The following MAGI1 variants were observed in gnomAD, a reference collection of about 807,000 sequenced individuals.
MAGI1 encodes membrane-associated guanylate kinase, WW and PDZ domain-containing protein 1.
A neutral mutation model predicts 139.9 loss-of-function variants in MAGI1; 58 were observed. The observed-to-expected ratio is 0.41, with a 90% CI of 0.34 to 0.52. The LOEUF is 0.52. MAGI1 is among the 20% of genes least tolerant of loss of function. The pLI is 0.12. For synonymous variants in MAGI1, 812 were observed against 737.9 expected (o/e 1.10, Z -1.63); for missense variants, 1,874 against 1,901.6 (o/e 0.99, Z 0.27).
chr3:65,752,657 T>C (rs919496683), intron 1 of MAGI1, among the ~76,000 whole-genome samples: 1 of 152,190 alleles, frequency 6.6e-6, no homozygotes, highest in Middle Eastern at 3.2e-3. Flanking sequence ...ACTCTCTACT[T>C]GATCAAACTT....
rs1044912154 is a variant in MAGI1 at position 65,590,608 on chromosome 3, T to TC, written c.430+31363dup. Among the ~76,000 whole-genome samples, 106 of 152,142 alleles carry TC rather than the reference T, an allele frequency of 7.0e-4. 1 individual carries two copies. Among genetic ancestry groups the TC allele is most frequent in the Admixed American group, 1.2e-3 (18 of 15,266 alleles). ...GTACTTTAAAACTGCTACTTAGCTG[T>TC]CCCCCCCATTCGTCTTTAATTAGCT... On this transcript the variant is annotated intron_variant, in intron 2 of 22. Coordinates refer to ENST00000402939, the MANE Select transcript of MAGI1 (RefSeq NM_001033057.2).
At chr3:65,598,423 C>T (rs2082331326) in intron 2 of MAGI1, among the ~76,000 whole-genome samples, 1 of 152,204 alleles carries the variant, frequency 6.6e-6, no homozygotes, top group Non-Finnish European at 1.5e-5. Context: ...GTTAGGGATA[C>T]AACCCTGACT....
intron 1 of MAGI1, among the ~76,000 whole-genome samples, chr3:66,037,056 C>T (rs1383274483): frequency 3.3e-5 from 5 of 152,192 alleles, no homozygotes; most frequent in Non-Finnish European, 7.3e-5. Context: ...CCCCCCACTC[C>T]TTCCTCCTCC....
chr3:65,396,858 A>G (rs1944430445), intron 13 of MAGI1, among the ~76,000 whole-genome samples: 1 of 152,186 alleles, frequency 6.6e-6, no homozygotes, highest in South Asian at 2.1e-4. Flanking sequence ...TGTTTCTTTT[A>G]TCATTTATGG....
At chr3:65,573,577 G>A (rs2081052418) in intron 2 of MAGI1, among the ~76,000 whole-genome samples, 3 of 151,646 alleles carry the variant, frequency 2.0e-5, no homozygotes, top group African/African-American at 7.3e-5. Context: ...TCTATAAATG[G>A]CAAAGAACTT....
At chr3:65,359,179 GA>G in intron 22 of MAGI1, 3 of 1,610,604 alleles carry the variant, frequency 1.9e-6, no homozygotes, top group Non-Finnish European at 2.5e-6. Flanking sequence ...CCAGCACCAA[GA>G]ACAGTCAGAG....
chr3:65,838,797 G>A (rs1415305018), intron 1 of MAGI1, among the ~76,000 whole-genome samples: 1 of 152,108 alleles, frequency 6.6e-6, no homozygotes, highest in Non-Finnish European at 1.5e-5. Flanking sequence ...TTAAGAAATG[G>A]ACATATCATT....
intron 1 of MAGI1, among the ~76,000 whole-genome samples, chr3:65,699,244 T>C (rs1205209630): frequency 9.4e-6 from 1 of 106,390 alleles, no homozygotes; most frequent in Non-Finnish European, 1.9e-5. Context: ...CTGGAGAGGA[T>C]GTGGAGAAAT....
intron 1 of MAGI1, among the ~76,000 whole-genome samples, chr3:65,860,275 G>C (rs1000440757): frequency 6.6e-6 from 1 of 152,140 alleles, no homozygotes; most frequent in Admixed American, 6.5e-5. Context: ...CCCAGAGGGA[G>C]CCCTTATTCT....
chr3:65,497,567 T>A (rs1174213077), intron 2 of MAGI1, among the ~76,000 whole-genome samples: 1 of 148,966 alleles, frequency 6.7e-6, no homozygotes, highest in Non-Finnish European at 1.5e-5. Context: ...TCCATTAACT[T>A]AATCCATCTT....
rs1334074962 is a variant in MAGI1 at position 65,360,349 on chromosome 3, TTC to T, written c.3634+848_3634+849del. On this transcript the variant is annotated intron_variant, in intron 22 of 22. Coordinates refer to ENST00000402939, the MANE Select transcript of MAGI1 (RefSeq NM_001033057.2). ...AGCCCTACATCTAGGGCATAGCTTC[TTC>T]TTTTTTTTTTTTTTTTTAATTTTAA... 8.5e-5 allele frequency: 83 copies of T among 976,996 alleles called. No individual in the cohort carries two copies. The African/African-American group carries it at 8.5e-4, about 10-fold the overall frequency. The allele number at this position is 976,996 out of a possible 1,614,324, so 60.5% of individuals were successfully genotyped here. A position where few individuals can be genotyped will look rare whatever the true frequency, so the allele number is the denominator to read the frequency against.
At chr3:65,587,522 C>T (rs1467853917) in intron 2 of MAGI1, among the ~76,000 whole-genome samples, 7 of 127,000 alleles carry the variant, frequency 5.5e-5, no homozygotes, top group African/African-American at 9.3e-5. Flanking sequence ...CTCGCTCTGT[C>T]GCCCAGGCTG....
chr3:65,766,906 A>G (rs1418213663), intron 1 of MAGI1, among the ~76,000 whole-genome samples: 1 of 152,094 alleles, frequency 6.6e-6, no homozygotes, highest in Non-Finnish European at 1.5e-5. Flanking sequence ...AATAATAACA[A>G]CAGAATAAGA....
Position 65,493,597 on chromosome 3 carries a change from A to G in MAGI1, c.465T>C (p.Pro155=). The change falls in exon 3 of 23, where the codon CCT becomes CCC. Residue 155 remains proline (P), a synonymous_variant. Transcript: ENST00000402939. ...TTRSPREGEV[P]GVDYNFLTVK... is the part of the protein sequence containing the mutation. The stretch of plus-strand genomic sequence containing the variant: ...CAGTCAGAAAGTTATAGTCCACGCC[A>G]GGCACTTCTCCTTCTCTGGGAGATC... 1 of 1,614,200 alleles carries G rather than the reference A, an allele frequency of 6.2e-7. No individual in the cohort carries two copies. Among genetic ancestry groups the G allele is most frequent in the Non-Finnish European group, 8.5e-7 (1 of 1,180,036 alleles).
intron 14 of MAGI1, among the ~76,000 whole-genome samples, chr3:65,384,963 C>T (rs974811973): frequency 6.6e-6 from 1 of 152,114 alleles, no homozygotes; most frequent in African/African-American, 2.4e-5. Flanking sequence ...TTACCAAAAT[C>T]AGCCAGGCCT....
At chr3:65,783,803 CAA>C (rs71102879) in intron 1 of MAGI1, among the ~76,000 whole-genome samples, 27,982 of 129,674 alleles carry the variant, frequency 0.22, 2,975 homozygotes, top group South Asian at 0.43. Flanking sequence ...CAGCCTGTAC[CAA>C]AAAAAAAAAA....
At chr3:65,389,737 G>A (rs947951450) in intron 14 of MAGI1, among the ~76,000 whole-genome samples, 3 of 152,192 alleles carry the variant, frequency 2.0e-5, no homozygotes, top group Non-Finnish European at 4.4e-5. Flanking sequence ...CTTTAGGGGT[G>A]TCTTTCTAGT....
intron 1 of MAGI1, among the ~76,000 whole-genome samples, chr3:65,929,585 G>A (rs376668063): frequency 3.6e-4 from 55 of 152,026 alleles, no homozygotes; most frequent in African/African-American, 7.2e-4. Context: ...CACCCACCTC[G>A]GCCTCCCAAA....
intron 2 of MAGI1, among the ~76,000 whole-genome samples, chr3:65,511,460 A>G (rs2077587563): frequency 1.0e-5 from 1 of 95,858 alleles, no homozygotes; most frequent in Admixed American, 1.2e-4. Context: ...ATGGAGGAAG[A>G]TCTACCAAGC....
Sources: allele counts gnomAD v4.1 joint callset (sites outside exome capture counted in the v4.1 genomes callset), GRCh38; gene constraint gnomAD v4.1.1; transcripts MANE v1.5; gene names NCBI Gene and HGNC (gene_info 2026-07-23, HGNC 2026-07-21).